The following LETM2 variants were observed in gnomAD, a reference collection of about 807,000 sequenced individuals.
The protein encoded by LETM2 is leucine zipper and EF-hand containing transmembrane protein 2, also known as LETM1 domain-containing protein LETM2, mitochondrial.
LETM2 carries 58 observed loss-of-function variants against 59.6 expected under a neutral mutation model. That is an observed-to-expected ratio of 0.97 (90% CI 0.79 to 1.21). LETM2 has a LOEUF of 1.21. LETM2 is among the 50% of genes most tolerant of loss of function. LETM2 has a pLI of 0.00. For missense variants in LETM2, 572 were observed against 575.7 expected (o/e 0.99, Z 0.07); for synonymous variants, 199 against 214.1 (o/e 0.93, Z 0.62).
upstream of LETM2, among the ~76,000 whole-genome samples, chr8:38,385,526 CG>C (rs1811737824): frequency 6.6e-6 from 1 of 152,064 alleles, no homozygotes; most frequent in Non-Finnish European, 1.5e-5. Context: ...CCAGAGTAGC[CG>C]GAACTACAGG....
At chr8:38,408,179 C>G in intron 10 of LETM2, 33 bp from the exon 11 acceptor site, 1 of 1,584,270 alleles carries the variant, frequency 6.3e-7, no homozygotes, top group Non-Finnish European at 8.6e-7. Context: ...ACGTCTGTGA[C>G]TAATGCCTAC....
intron 4 of LETM2, among the ~76,000 whole-genome samples, chr8:38,395,823 T>G (rs1331647452): frequency 6.6e-6 from 1 of 152,196 alleles, no homozygotes; most frequent in Non-Finnish European, 1.5e-5. Context: ...GCCCTTCGGT[T>G]GACTTTTTAA....
At chr8:38,393,254 T>G in intron 3 of LETM2, 1 of 388,706 alleles carries the variant, frequency 2.6e-6, no homozygotes, top group East Asian at 4.6e-5. Context: ...ATGTGCATGT[T>G]TGTAGAATAG....
intron 4 of LETM2, among the ~76,000 whole-genome samples, chr8:38,399,153 G>A (rs150826524): frequency 2.6e-5 from 4 of 151,852 alleles, no homozygotes; most frequent in Non-Finnish European, 4.4e-5. Flanking sequence ...AAAAATATAC[G>A]TAGATTCCTG....
At chr8:38,404,685 C>T (rs1813572298) in intron 8 of LETM2, 179 bp downstream of exon 8, 4 of 572,732 alleles carry the variant, frequency 7.0e-6, no homozygotes, top group Non-Finnish European at 1.2e-5. Flanking sequence ...CACAAACAAA[C>T]AAAACAAAGG....
At position 38,404,419 on chromosome 8, in the gene LETM2, C is replaced by G; in HGVS notation, c.1131C>G (p.Asn377Lys). 1 of 1,613,136 alleles carries G rather than the reference C, an allele frequency of 6.2e-7. No individual in the cohort carries two copies. The highest frequency in any genetic ancestry group is 8.5e-7 in the Non-Finnish European group (1 of 1,179,124). Residue 377 changes from asparagine to lysine, a missense_variant, in exon 8 of 11, where the codon AAC becomes AAG. Transcript: ENST00000379957. ...TEWQDLHLKE[N>K]VPPSLLLLSR... ...GGCAGGACCTCCACCTGAAGGAGAA[C>G]GTCCCTCCTTCCCTTTTGCTCCTGT...
In LETM2 at chr8:38,407,399, C is replaced by G; in HGVS notation, c.1349C>G (p.Ser450Ter). 1 of 1,613,482 alleles carries G rather than the reference C, an allele frequency of 6.2e-7. No homozygotes were observed. Among genetic ancestry groups the G allele is most frequent in the Non-Finnish European group, 8.5e-7 (1 of 1,179,480 alleles). Residue 450 changes from serine (S) to a stop codon, truncating the protein, a stop_gained, in exon 10 of 11, where the codon TCA becomes TGA. Transcript: ENST00000379957. LOFTEE classifies it high-confidence loss of function. ...DFIQPPPVTS[S>*]PITPSTPISL... ...ATACAGCCGCCACCAGTTACATCAT[C>G]ACCCATAACACCATCAACACCTATT...
In LETM2 at chr8:38,392,587, A is replaced by G. The variant is rs919164647; in HGVS notation, c.93A>G (p.Pro31=). 8 of 1,612,962 alleles carry G rather than the reference A, an allele frequency of 5.0e-6. No homozygotes were observed. Among genetic ancestry groups the G allele is most frequent in the South Asian group, 1.1e-5 (1 of 91,080 alleles). The part of the protein sequence containing the change: ...FVHPTCSSYS[P]SCAFLHLPDS... ...ATCCTACCTGCTCTTCTTATTCCCC[A>G]TCATGTGCATTTCTTCACTTGCCAG... The change falls in exon 3 of 11, where the codon CCA becomes CCG. Residue 31 remains proline, a synonymous_variant. Coordinates refer to ENST00000379957, the MANE Select transcript of LETM2 (RefSeq NM_001286819.2).
intron 7 of LETM2, among the ~76,000 whole-genome samples, chr8:38,403,096 CTG>C (rs1403606114): frequency 6.6e-6 from 1 of 152,154 alleles, no homozygotes; most frequent in Admixed American, 6.6e-5. Context: ...CCTCCTTCAT[CTG>C]CAAGAGAGAA....
chr8:38,385,599 T>C (rs965182362), upstream of LETM2, among the ~76,000 whole-genome samples: 3 of 152,122 alleles, frequency 2.0e-5, no homozygotes, highest in Non-Finnish European at 4.4e-5. Context: ...GGTTTCACCA[T>C]GTTGGCCAAG....
At chr8:38,384,017 G>A (rs984678355), upstream of LETM2, among the ~76,000 whole-genome samples, 3 of 151,892 alleles carry the variant, frequency 2.0e-5, no homozygotes, top group Non-Finnish European at 4.4e-5. Flanking sequence ...ACAGCTATCA[G>A]TAAAAGCATA....
In LETM2 at chr8:38,392,806, C is replaced by T; in HGVS notation, c.312C>T (p.Ser104=). 1.2e-6 allele frequency: 2 copies of T among 1,614,086 alleles called. No individual in the cohort carries two copies. Among genetic ancestry groups the T allele is most frequent in the South Asian group, 1.1e-5 (1 of 91,078 alleles). ...EQATKHPQVT[S]PQATKETGME... ...CCACAAAACATCCACAGGTGACAAGCCCTCAGGCCACAAAAGAAACTGGCA... is the reference window on the plus strand; with the variant it reads ...CCACAAAACATCCACAGGTGACAAGTCCTCAGGCCACAAAAGAAACTGGCA... Residue 104 remains serine, a synonymous_variant, in exon 3 of 11, where the codon AGC becomes AGT. Transcript: ENST00000379957.
At chr8:38,388,558 C>T (rs938549341) in intron 2 of LETM2, among the ~76,000 whole-genome samples, 12 of 149,926 alleles carry the variant, frequency 8.0e-5, no homozygotes, top group Non-Finnish European at 1.2e-4. Context: ...CCCGTCTCTA[C>T]TAAAACTGCA....
intron 2 of LETM2, among the ~76,000 whole-genome samples, chr8:38,390,985 AT>A (rs900384792): frequency 1.3e-5 from 2 of 150,888 alleles, no homozygotes; most frequent in Middle Eastern, 3.4e-3. Flanking sequence ...CTGGCGACAA[AT>A]TTTTTTTGCT....
intron 2 of LETM2, 31 bp downstream of exon 2, chr8:38,388,061 C>G: frequency 1.5e-6 from 2 of 1,376,620 alleles, no homozygotes; most frequent in Non-Finnish European, 2.0e-6. Flanking sequence ...CCAATATGAA[C>G]GTAATTCTTC....
At chr8:38,383,415 C>G (rs1405776382), upstream of LETM2, 5 of 152,058 alleles carry the variant, frequency 3.3e-5, no homozygotes, top group African/African-American at 1.2e-4. Context: ...ATGAGGAAAC[C>G]GATACTCTGT....
intron 5 of LETM2, 150 bp from the exon 6 acceptor site, chr8:38,400,703 A>T: frequency 1.3e-6 from 1 of 751,174 alleles, no homozygotes; most frequent in Non-Finnish European, 2.2e-6. Flanking sequence ...TTGACTTCAG[A>T]TGGATATCTT....
intron 4 of LETM2, among the ~76,000 whole-genome samples, chr8:38,399,953 G>C (rs1026171732): frequency 3.4e-5 from 5 of 149,176 alleles, no homozygotes; most frequent in Non-Finnish European, 7.4e-5. Context: ...CTCAAAAAGA[G>C]AGAGAGAGAG....
chr8:38,390,866 A>T (rs1260428488), intron 2 of LETM2, among the ~76,000 whole-genome samples: 1 of 151,018 alleles, frequency 6.6e-6, no homozygotes, highest in Non-Finnish European at 1.5e-5. Context: ...TATTTTTGGT[A>T]GAGATGGGGT....
Sources: gnomAD v4.1 joint callset for allele counts (sites outside exome capture counted in the v4.1 genomes callset) on GRCh38, gnomAD v4.1.1 for gene constraint, MANE v1.5 for transcripts, NCBI Gene and HGNC (gene_info 2026-07-23, HGNC 2026-07-21) for gene names.